UGGT1: variants seen among roughly 807,000 people sequenced by gnomAD.
UGGT1 encodes the protein UDP-glucose glycoprotein glucosyltransferase 1, also known as UDP-glucose:glycoprotein glucosyltransferase 1.
A neutral mutation model predicts 203.9 loss-of-function variants in UGGT1; 107 were observed. The observed-to-expected ratio is 0.52, with a 90% CI of 0.45 to 0.62. UGGT1 has a LOEUF of 0.62. Among genes scored for constraint, UGGT1 ranks in the 20% least tolerant of loss-of-function variants. UGGT1 has a pLI of 0.00. For missense variants in UGGT1, 1,673 were observed against 1,867.2 expected, an observed-to-expected ratio of 0.90 and a Z score of 1.92; for synonymous variants, 628 against 653.5, an observed-to-expected ratio of 0.96 and a Z score of 0.59.
chr2:128,127,242 G>A (rs1688648264), intron 11 of UGGT1, 119 bp from the exon 12 acceptor site: 1 of 675,178 alleles, frequency 1.5e-6, no homozygotes, highest in Non-Finnish European at 2.6e-6. Flanking sequence ...GCATCTTGAA[G>A]CAAATCTTAG....
chr2:128,104,029 A>G lies in UGGT1; in HGVS notation c.277+15A>G. The G allele has an allele frequency of 6.5e-7, 1 of 1,527,926 alleles. No individual in the cohort carries two copies. Among genetic ancestry groups the G allele is most frequent in the South Asian group, 1.3e-5 (1 of 76,148 alleles). The allele number at this position is 1,527,926 out of a possible 1,614,324, so 94.6% of individuals were successfully genotyped here. On this transcript the variant is annotated intron_variant, in intron 3 of 40. Transcript: ENST00000259253. Reference sequence around the variant, plus strand: ...AGATCATGACGGTAAAATTGAAGCAAATGCTTCTTTGACTTTGGTGTCTGG... The same window carrying G: ...AGATCATGACGGTAAAATTGAAGCAGATGCTTCTTTGACTTTGGTGTCTGG...
rs529524721 is a variant in UGGT1 at position 128,093,393 on chromosome 2, T to C, written c.58+1978T>C. ...TATTTCATTTTGAGAGCCTTCTATGTTTCAGGCATAATGCTAGGCGTGGAG... is the reference window on the plus strand; with the variant it reads ...TATTTCATTTTGAGAGCCTTCTATGCTTCAGGCATAATGCTAGGCGTGGAG... On this transcript the variant is annotated intron_variant, in intron 1 of 40. Transcript: ENST00000259253. Among the ~76,000 whole-genome samples the C allele has an allele frequency of 8.5e-5, 13 of 152,286 alleles. No individual in the cohort carries two copies. In the East Asian group the frequency reaches 2.5e-3, roughly 29 times the overall value.
Position 128,161,219 on chromosome 2 carries a change from G to A in UGGT1, c.2776G>A (p.Gly926Arg), listed in dbSNP as rs1690512587. ...LLENIILKTS[G>R]QKIKSHIQQL... is the part of the protein sequence containing the mutation. ...CGAAAATATCATCTTAAAAACCTCA[G>A]GACAGAAAATAAAATCTCATATTCA... is the stretch of plus-strand genomic sequence containing the variant. Residue 926 changes from glycine (G) to arginine (R), a missense_variant, in exon 25 of 41, where the codon GGA becomes AGA. By Grantham distance (125) the Gly-to-Arg change is moderately radical. Transcript: ENST00000259253. 1 of 1,613,784 alleles carries A rather than the reference G, an allele frequency of 6.2e-7. No individual in the cohort carries two copies. The highest frequency in any genetic ancestry group is 1.7e-5 in the Admixed American group (1 of 59,982).
At chr2:128,106,933 T>A (rs1687635514) in intron 3 of UGGT1, among the ~76,000 whole-genome samples, 1 of 152,192 alleles carries the variant, frequency 6.6e-6, no homozygotes, top group African/African-American at 2.4e-5. Context: ...TCCTCCTGCC[T>A]CGGCCTCCTA....
chr2:128,164,925 A>C (rs1052833002), intron 26 of UGGT1, 100 bp downstream of exon 26: 5 of 840,400 alleles, frequency 5.9e-6, no homozygotes, highest in African/African-American at 5.3e-5. Context: ...ATTTATATAT[A>C]AGTTCTTACA....
At chr2:128,128,427 T>C (rs1286578141) in intron 12 of UGGT1, among the ~76,000 whole-genome samples, 3 of 151,792 alleles carry the variant, frequency 2.0e-5, no homozygotes, top group Non-Finnish European at 4.4e-5. Context: ...TTCTCCTGCC[T>C]CACCCTTCTG....
chr2:128,126,332 C>T (rs372133427), intron 11 of UGGT1, among the ~76,000 whole-genome samples: 1 of 151,802 alleles, frequency 6.6e-6, no homozygotes, highest in African/African-American at 2.4e-5. Context: ...CCTCTGCCTC[C>T]CAGGTACAAG....
chr2:128,140,494 T>G (rs1251404996), intron 16 of UGGT1: 4 of 152,308 alleles, frequency 2.6e-5, no homozygotes, highest in Non-Finnish European at 5.9e-5. Context: ...CTGCTCCATC[T>G]GTAGCAACAA....
At position 128,178,571 on chromosome 2, in the gene UGGT1, T is replaced by G; in HGVS notation, c.3815+2T>G. ...TCATCTCTACGAAAGATTTCTTCGGTCAGTCTTGTTGATTATTTCATTATA... is the reference window on the plus strand; with the variant it reads ...TCATCTCTACGAAAGATTTCTTCGGGCAGTCTTGTTGATTATTTCATTATA... On this transcript the variant is annotated splice_donor_variant, in intron 34 of 40. Transcript: ENST00000259253. LOFTEE classifies it high-confidence loss of function. The G allele has an allele frequency of 6.2e-7, 1 of 1,604,990 alleles. No homozygotes were observed.
At chr2:128,149,294 G>A (rs1689831700) in intron 18 of UGGT1, among the ~76,000 whole-genome samples, 1 of 150,864 alleles carries the variant, frequency 6.6e-6, no homozygotes, top group South Asian at 2.1e-4. Context: ...TGTCTACCTT[G>A]GCCTCCCAAA....
intron 5 of UGGT1, among the ~76,000 whole-genome samples, chr2:128,110,320 C>A (rs1393884378): frequency 6.6e-6 from 1 of 152,132 alleles, no homozygotes; most frequent in Non-Finnish European, 1.5e-5. Flanking sequence ...ATAAACAGAA[C>A]CGTGATCTCT....
At chr2:128,181,561 G>T (rs373065822) in intron 36 of UGGT1, among the ~76,000 whole-genome samples, 13 of 152,200 alleles carry the variant, frequency 8.5e-5, no homozygotes, top group East Asian at 5.8e-4. Flanking sequence ...GTGTACGTCT[G>T]CCCACAGCCT....
At chr2:128,183,876 C>A in intron 38 of UGGT1, 87 bp downstream of exon 38, 1 of 972,278 alleles carries the variant, frequency 1.0e-6, no homozygotes, top group East Asian at 2.6e-5. Context: ...GTCTTCAGTC[C>A]TCTCCTCACA....
At position 128,134,959 on chromosome 2, in the gene UGGT1, A is replaced by G; in HGVS notation, c.1581A>G (p.Leu527=). 2 of 1,610,792 alleles carry G rather than the reference A, an allele frequency of 1.2e-6. No individual in the cohort carries two copies. Among genetic ancestry groups the G allele is most frequent in the South Asian group, 2.2e-5 (2 of 91,012 alleles). ...TGTTCCTTAGTAATCATATACCACT[A>G]AGGTAACACTGGTATTGATTTGATG... ...AEMFLSNHIP[L]RIGFIFVVND... The change falls in exon 15 of 41, where the codon CTA becomes CTG. Residue 527 remains leucine, a splice_region_variant and synonymous_variant. Transcript: ENST00000259253.
intron 17 of UGGT1, among the ~76,000 whole-genome samples, chr2:128,144,021 G>A (rs1689564520): frequency 6.6e-6 from 1 of 152,014 alleles, no homozygotes; most frequent in Non-Finnish European, 1.5e-5. Context: ...TTAAAAAGTA[G>A]GCAATGCAAT....
intron 16 of UGGT1, among the ~76,000 whole-genome samples, chr2:128,142,751 G>A (rs939171143): frequency 1.3e-5 from 2 of 152,020 alleles, no homozygotes; most frequent in Non-Finnish European, 2.9e-5. Context: ...GGGAGACTGA[G>A]GCGGGTGGAT....
Position 128,145,801 on chromosome 2 carries a change from A to G in UGGT1, c.1852-2A>G. Reference sequence around the variant, plus strand: ...CTGTTTTTGTGGTTACTTGTGTTTCAGGAAGCAAGAGGCTACTATGAGCAG... The same window carrying G: ...CTGTTTTTGTGGTTACTTGTGTTTCGGGAAGCAAGAGGCTACTATGAGCAG... On this transcript the variant is annotated splice_acceptor_variant, in intron 17 of 40. Coordinates refer to ENST00000259253, the MANE Select transcript of UGGT1 (RefSeq NM_020120.4). LOFTEE classifies it high-confidence loss of function. 1.3e-6 allele frequency: 2 copies of G among 1,557,134 alleles called. No individual in the cohort carries two copies. The highest frequency in any genetic ancestry group is 1.7e-6 in the Non-Finnish European group (2 of 1,149,850).
intron 17 of UGGT1, 86 bp downstream of exon 17, chr2:128,143,311 G>A (rs1050743917): frequency 1.1e-5 from 15 of 1,408,482 alleles, no homozygotes; most frequent in African/African-American, 5.8e-5. Flanking sequence ...TAATAATGGC[G>A]ATGGTGGTTA....
At chr2:128,111,545 G>A (rs577651497) in intron 5 of UGGT1, among the ~76,000 whole-genome samples, 91 of 151,552 alleles carry the variant, frequency 6.0e-4, no homozygotes, top group Middle Eastern at 6.8e-3. Context: ...TCGCTCTGTC[G>A]CCCAGGCTGG....
Sources: allele counts gnomAD v4.1 joint callset (sites outside exome capture counted in the v4.1 genomes callset), GRCh38; gene constraint gnomAD v4.1.1; transcripts MANE v1.5; gene names NCBI Gene and HGNC (gene_info 2026-07-23, HGNC 2026-07-21).